Variants in DST observed in about 807,000 individuals in gnomAD.
The protein encoded by DST is bullous pemphigoid antigen.
In DST, 253 loss-of-function variants were observed where a neutral mutation model predicts 875.2. The ratio of observed to expected loss-of-function variants is 0.29; its 90% CI spans 0.26 to 0.32. The LOEUF (loss-of-function observed/expected upper bound fraction) is 0.32. Ranked by LOEUF, DST falls within the 10% of genes least tolerant of loss-of-function variation. The pLI is 1.00. For missense variants in DST, 8,287 were observed against 9,111.6 expected, an observed-to-expected ratio of 0.91 and a Z score of 3.68; for synonymous variants, 3,124 against 3,197.1, an observed-to-expected ratio of 0.98 and a Z score of 0.77.
intron 2 of DST, among the ~76,000 whole-genome samples, chr6:56,907,497 GC>G (rs1796936605): frequency 6.6e-6 from 1 of 152,172 alleles, no homozygotes; most frequent in Non-Finnish European, 1.5e-5. Flanking sequence ...AAGCAAACAG[GC>G]TTTTCAGGGT....
chr6:56,854,894 C>T (rs1591721031), intron 3 of DST, among the ~76,000 whole-genome samples: 2 of 152,256 alleles, frequency 1.3e-5, no homozygotes, highest in East Asian at 1.9e-4. Context: ...GATTAACTGA[C>T]CCACTGACCC....
intron 62 of DST, among the ~76,000 whole-genome samples, chr6:56,535,841 G>C (rs1199937183): frequency 1.3e-5 from 2 of 152,098 alleles, no homozygotes; most frequent in Admixed American, 1.3e-4. Context: ...TGGAGTCTCT[G>C]TGTCCTACAT....
chr6:56,945,071 T>C (rs1818743705), intron 2 of DST, among the ~76,000 whole-genome samples: 1 of 152,244 alleles, frequency 6.6e-6, no homozygotes, highest in Non-Finnish European at 1.5e-5. Context: ...AAGCAAAGCC[T>C]GTGGCCATCT....
chr6:56,702,418 T>C (rs1214240448), intron 7 of DST, among the ~76,000 whole-genome samples: 1 of 151,848 alleles, frequency 6.6e-6, no homozygotes, highest in Non-Finnish European at 1.5e-5. Context: ...TATATACATA[T>C]GGCATATTAA....
chr6:56,904,766 A>G (rs181154550), intron 2 of DST, among the ~76,000 whole-genome samples: 2 of 152,284 alleles, frequency 1.3e-5, no homozygotes, highest in South Asian at 2.1e-4. Context: ...AGGTGGTGCT[A>G]TAAGTTCTTC....
chr6:56,782,166 A>G (rs2099695444), intron 4 of DST, among the ~76,000 whole-genome samples: 1 of 152,122 alleles, frequency 6.6e-6, no homozygotes, highest in Non-Finnish European at 1.5e-5. Flanking sequence ...TTCATCAAGG[A>G]TATTGGTCTA....
chr6:56,662,624 T>C (rs2099050228), intron 10 of DST, among the ~76,000 whole-genome samples: 1 of 152,194 alleles, frequency 6.6e-6, no homozygotes, highest in African/African-American at 2.4e-5. Context: ...GAATGTGGGC[T>C]ATACCTTACA....
intron 37 of DST, among the ~76,000 whole-genome samples, chr6:56,613,185 A>G (rs1431122488): frequency 6.6e-6 from 1 of 152,210 alleles, no homozygotes; most frequent in Non-Finnish European, 1.5e-5. Context: ...GGGGAGAAGG[A>G]TATTTTACAT....
chr6:56,937,049 G>C (rs773206291), intron 2 of DST, among the ~76,000 whole-genome samples: 12 of 151,386 alleles, frequency 7.9e-5, no homozygotes, highest in Non-Finnish European at 1.6e-4. Flanking sequence ...AAAACTATAT[G>C]TAAGAACCAA....
intron 82 of DST, among the ~76,000 whole-genome samples, chr6:56,496,775 CAAT>C (rs2095922926): frequency 6.6e-6 from 1 of 152,024 alleles, no homozygotes; most frequent in African/African-American, 2.4e-5. Flanking sequence ...AAATGTCCAA[CAAT>C]GATAGACTGG....
At chr6:56,523,638 C>T (rs1490743388) in intron 69 of DST, among the ~76,000 whole-genome samples, 2 of 151,970 alleles carry the variant, frequency 1.3e-5, no homozygotes, top group Non-Finnish European at 2.9e-5. Flanking sequence ...ATATATGCAA[C>T]CTTAAAACTG....
chr6:56,701,848 CAT>C lies in DST; in HGVS notation c.954+38_954+39del, dbSNP rs773787218. The C allele has an allele frequency of 2.4e-6, 3 of 1,259,088 alleles. No individual in the cohort carries two copies. In the South Asian group the frequency reaches 3.8e-5, roughly 16 times the overall value. 78.0% of individuals were successfully genotyped at this position (1,259,088 alleles called of 1,614,324 possible). On this transcript the variant is annotated intron_variant, in intron 8 of 103. Transcript: ENST00000680361. ...TGTTTCTACGTGGATGTATTAGTAA[CAT>C]ATATTTATATGATTACAGTATTTTC... is the stretch of plus-strand genomic sequence containing the variant.
At chr6:56,601,791 T>C in intron 43 of DST, 115 bp from the exon 44 acceptor site, 2 of 675,786 alleles carry the variant, frequency 3.0e-6, no homozygotes, top group Non-Finnish European at 4.8e-6. Context: ...ATGGAAGTTT[T>C]ATGAATTTTT....
At chr6:56,743,431 A>C (rs550027210) in intron 4 of DST, among the ~76,000 whole-genome samples, 1 of 152,304 alleles carries the variant, frequency 6.6e-6, no homozygotes, top group Non-Finnish European at 1.5e-5. Context: ...AATAAATTGT[A>C]CCAGATCCTG....
chr6:56,635,592 T>A lies in DST; in HGVS notation c.3183A>T (p.Ser1061=). 6.2e-7 allele frequency: 1 copy of A among 1,613,992 alleles called. No individual in the cohort carries two copies. Among genetic ancestry groups the A allele is most frequent in the Non-Finnish European group, 8.5e-7 (1 of 1,179,898 alleles). Residue 1061 remains serine (S), a synonymous_variant, in exon 24 of 104, where the codon TCA becomes TCT. Transcript: ENST00000680361. The part of the protein sequence containing the change: ...IHKLEDLVQE[S]MEEKEELLQY... ...TGCATAGGTTTTGTATTAGTACCAT[T>A]GATTCCTGAACAAGGTCTTCTAGCT...
chr6:56,806,229 G>A (rs921512584), intron 4 of DST, among the ~76,000 whole-genome samples: 1 of 152,176 alleles, frequency 6.6e-6, no homozygotes, highest in East Asian at 1.9e-4. Context: ...TATATTCTGT[G>A]CAAACACTTA....
intron 2 of DST, among the ~76,000 whole-genome samples, chr6:56,919,806 G>T (rs1046285197): frequency 6.6e-6 from 1 of 152,096 alleles, no homozygotes; most frequent in Non-Finnish European, 1.5e-5. Context: ...AATTAGCCAG[G>T]CATTTTGGCA....
chr6:56,850,374 G>A (rs1256319608), intron 4 of DST, among the ~76,000 whole-genome samples: 1 of 130,128 alleles, frequency 7.7e-6, no homozygotes, highest in Non-Finnish European at 1.6e-5. Flanking sequence ...CTTGGAGGAA[G>A]AGAAAGTACC....
chr6:56,785,390 T>A (rs2099703078), intron 4 of DST, among the ~76,000 whole-genome samples: 1 of 152,170 alleles, frequency 6.6e-6, no homozygotes, highest in Non-Finnish European at 1.5e-5. Context: ...GGCTGCTTTG[T>A]TTACCTAAGC....
Sources: allele counts gnomAD v4.1 joint callset (sites outside exome capture counted in the v4.1 genomes callset), GRCh38; gene constraint gnomAD v4.1.1; transcripts MANE v1.5; gene names NCBI Gene and HGNC (gene_info 2026-07-23, HGNC 2026-07-21).